Variants in HLA-DMB observed in about 807,000 individuals in gnomAD.
HLA-DMB encodes the protein HLA class II histocompatibility antigen, DM beta chain.
A neutral mutation model predicts 29.3 loss-of-function variants in HLA-DMB; 18 were observed. The ratio of observed to expected loss-of-function variants is 0.62; its 90% CI spans 0.43 to 0.91. The LOEUF is 0.91. HLA-DMB is among the 40% of genes least tolerant of loss of function. The pLI is 0.00. For missense variants in HLA-DMB, 258 were observed against 320.9 expected, an observed-to-expected ratio of 0.80 and a Z score of 1.50; for synonymous variants, 143 against 128.7, an observed-to-expected ratio of 1.11 and a Z score of -0.75.
chr6:32,938,757 C>T lies in HLA-DMB; in HGVS notation c.264G>A (p.Gln88=). The change falls in exon 2 of 6, where the codon CAG becomes CAA. Residue 88 remains glutamine (Q), a synonymous_variant. Transcript: ENST00000418107. ...AATTCTGAAGCCCATTGCGCAAGCG[C>T]TGCATCAGGGTGTCTTTTTGGTTGA... ...QHLNQKDTLM[Q]RLRNGLQNCA... 6.2e-7 allele frequency: 1 copy of T among 1,604,606 alleles called. No homozygotes were observed. The highest frequency in any genetic ancestry group is 8.5e-7 in the Non-Finnish European group (1 of 1,176,060).
At position 32,938,969 on chromosome 6, in the gene HLA-DMB, G is replaced by A; in HGVS notation, c.56-4C>T. On this transcript the variant is annotated splice_polypyrimidine_tract_variant and splice_region_variant and intron_variant, in intron 1 of 5. Coordinates refer to ENST00000418107, the MANE Select transcript of HLA-DMB (RefSeq NM_002118.5). The stretch of plus-strand genomic sequence containing the variant: ...TCCACATGGGCCACGAAGCCACCTA[G>A]AGGAGCCAGGGAAGGGAGAACAGGT... 3 of 1,514,940 alleles carry A rather than the reference G, an allele frequency of 2.0e-6. No homozygotes were observed. The highest frequency in any genetic ancestry group is 2.7e-6 in the Non-Finnish European group (3 of 1,127,718). The allele number at this position is 1,514,940 out of a possible 1,614,324, so 93.8% of individuals were successfully genotyped here.
At position 32,937,467 on chromosome 6, in the gene HLA-DMB, G is replaced by C; in HGVS notation, c.338-11C>G. ...GCACAGATGGTGGCCCTGCATAGGAGAAAAAAACATGTTTAGGAAGGAGGG... is the reference window on the plus strand; with the variant it reads ...GCACAGATGGTGGCCCTGCATAGGACAAAAAAACATGTTTAGGAAGGAGGG... On this transcript the variant is annotated splice_polypyrimidine_tract_variant and intron_variant, in intron 2 of 5. Coordinates refer to ENST00000418107, the MANE Select transcript of HLA-DMB (RefSeq NM_002118.5). This position sits in a 1 kb window ranked among gnomAD's most constrained non-coding sequence, Gnocchi z 4.1. 6.2e-7 allele frequency: 1 copy of C among 1,601,746 alleles called. No individual in the cohort carries two copies. The highest frequency in any genetic ancestry group is 8.5e-7 in the Non-Finnish European group (1 of 1,172,850).
At position 32,940,791 on chromosome 6, in the gene HLA-DMB, G is replaced by C; in HGVS notation, c.17C>G (p.Pro6Arg). 1 of 1,602,626 alleles carries C rather than the reference G, an allele frequency of 6.2e-7. No individual in the cohort carries two copies. Among genetic ancestry groups the C allele is most frequent in the East Asian group, 2.3e-5 (1 of 44,288 alleles). ...GCCCAGGCTGAGCCCCAGCAGCAGCGGCAGGAATGTGATCATGCTCTGCTC... is the reference window on the plus strand; with the variant it reads ...GCCCAGGCTGAGCCCCAGCAGCAGCCGCAGGAATGTGATCATGCTCTGCTC... MITFL[P>R]LLLGLSLGCT... Residue 6 changes from proline (P) to arginine (R), a missense_variant, in exon 1 of 6, where the codon CCG becomes CGG. Transcript: ENST00000418107.
Position 32,934,916 on chromosome 6 carries a change from A to G in HLA-DMB, c.*55T>C, listed in dbSNP as rs11540148. The stretch of plus-strand genomic sequence containing the variant: ...GAAGATGTTGGAGAGGCATGGTAGC[A>G]TCATTGAGTTTGAATCTCCTTCTCA... On this transcript the variant is annotated 3_prime_UTR_variant, in exon 6 of 6. Coordinates refer to ENST00000418107, the MANE Select transcript of HLA-DMB (RefSeq NM_002118.5). 18,785 of 1,532,832 alleles carry G rather than the reference A, an allele frequency of 0.012. 176 individuals are homozygous for G. Among genetic ancestry groups the G allele is most frequent in the African/African-American group, 0.041 (2,979 of 73,436 alleles). 95.0% of individuals were successfully genotyped at this position (1,532,832 alleles called of 1,614,324 possible).
intron 1 of HLA-DMB, among the ~76,000 whole-genome samples, chr6:32,939,869 G>A (rs1026200270): frequency 1.3e-5 from 2 of 152,168 alleles, no homozygotes; most frequent in African/African-American, 4.8e-5. Flanking sequence ...AGGCAAGTTG[G>A]ACAGAAGATG....
At chr6:32,939,259 G>A (rs915688104) in intron 1 of HLA-DMB, among the ~76,000 whole-genome samples, 9 of 152,162 alleles carry the variant, frequency 5.9e-5, no homozygotes, top group Non-Finnish European at 1.3e-4. Context: ...TAGAAGTCTG[G>A]AACTTTTAGT....
At position 32,937,760 on chromosome 6, in the gene HLA-DMB, T is replaced by G. The variant is rs1462700743; in HGVS notation, c.338-304A>C. The G allele has an allele frequency of 1.0e-5, 4 of 386,926 alleles. No homozygotes were observed. The highest frequency in any genetic ancestry group is 1.8e-5 in the Non-Finnish European group (4 of 216,532). 24.0% of individuals were successfully genotyped at this position (386,926 alleles called of 1,614,324 possible). A position where few individuals can be genotyped will look rare whatever the true frequency, so the allele number is the denominator to read the frequency against. ...TAGAAGTTGTTGTATTTATTTCAAG[T>G]ACATAAACTGGAAAGTATTTGAAAT... is the stretch of plus-strand genomic sequence containing the variant. On this transcript the variant is annotated intron_variant, in intron 2 of 5. Transcript: ENST00000418107. This position sits in a 1 kb window ranked among gnomAD's most constrained non-coding sequence, Gnocchi z 4.1.
Position 32,937,475 on chromosome 6 carries a change from C to A in HLA-DMB, c.338-19G>T, listed in dbSNP as rs1392310564. On this transcript the variant is annotated intron_variant, in intron 2 of 5. Coordinates refer to ENST00000418107, the MANE Select transcript of HLA-DMB (RefSeq NM_002118.5). The surrounding 1 kb of genome is among the most constrained non-coding windows in gnomAD (Gnocchi z 4.1). ...GGTGGCCCTGCATAGGAGAAAAAAA[C>A]ATGTTTAGGAAGGAGGGTGACATTC... 2 of 1,601,676 alleles carry A rather than the reference C, an allele frequency of 1.2e-6. No homozygotes were observed. Among genetic ancestry groups the A allele is most frequent in the Non-Finnish European group, 1.7e-6 (2 of 1,171,866 alleles).
chr6:32,935,773 C>T (rs184446669), intron 3 of HLA-DMB, 121 bp from the exon 4 acceptor site: 80 of 659,412 alleles, frequency 1.2e-4, no homozygotes, highest in Non-Finnish European at 1.6e-5. Context: ...AAGGGTCTAG[C>T]TCACACCACC....
chr6:32,938,441 A>G (rs1776135008), intron 2 of HLA-DMB: 1 of 401,596 alleles, frequency 2.5e-6, no homozygotes, highest in South Asian at 1.2e-4. Context: ...CAGCCTCTGC[A>G]TAAGCTCCCC....
At chr6:32,936,881 T>A in intron 3 of HLA-DMB, 1 of 305,238 alleles carries the variant, frequency 3.3e-6, no homozygotes, top group Non-Finnish European at 6.0e-6. Flanking sequence ...CGCAGCAACA[T>A]CAGCCACACC....
intron 1 of HLA-DMB, 59 bp from the exon 2 acceptor site, chr6:32,939,024 A>G (rs953215631): frequency 7.8e-6 from 8 of 1,031,586 alleles, no homozygotes; most frequent in Non-Finnish European, 1.0e-5. Flanking sequence ...GGCAATAAAT[A>G]AATAAATATA....
chr6:32,936,039 A>G, intron 3 of HLA-DMB: 1 of 224,828 alleles, frequency 4.4e-6, no homozygotes, highest in Non-Finnish European at 8.8e-6. Context: ...TCTCCAACTG[A>G]GCAGCTTCCT....
intron 1 of HLA-DMB, 64 bp downstream of exon 1, chr6:32,940,689 C>A: frequency 7.5e-7 from 1 of 1,331,420 alleles, no homozygotes; most frequent in Non-Finnish European, 1.0e-6. Context: ...AATTACAAAA[C>A]GGAACACCCT....
At position 32,937,753 on chromosome 6, in the gene HLA-DMB, T is replaced by A; in HGVS notation, c.338-297A>T. 1 of 407,708 alleles carries A rather than the reference T, an allele frequency of 2.5e-6. No homozygotes were observed. Among genetic ancestry groups the A allele is most frequent in the Non-Finnish European group, 4.4e-6 (1 of 229,102 alleles). The allele number at this position is 407,708 out of a possible 1,614,324, so 25.3% of individuals were successfully genotyped here. A position where few individuals can be genotyped will look rare whatever the true frequency, so the allele number is the denominator to read the frequency against. ...GCTGTTCTAGAAGTTGTTGTATTTATTTCAAGTACATAAACTGGAAAGTAT... is the reference window on the plus strand; with the variant it reads ...GCTGTTCTAGAAGTTGTTGTATTTAATTCAAGTACATAAACTGGAAAGTAT... On this transcript the variant is annotated intron_variant, in intron 2 of 5. Transcript: ENST00000418107. The surrounding 1 kb of genome is among the most constrained non-coding windows in gnomAD (Gnocchi z 4.1).
At position 32,938,941 on chromosome 6, in the gene HLA-DMB, C is replaced by A; in HGVS notation, c.80G>T (p.Ser27Ile). ...CCCAGCATCATCCAACAGACAGGTG[C>A]TTTCCACATGGGCCACGAAGCCACC... Reference protein sequence around the residue: ...GAGGFVAHVESTCLLDDAGTP... With the variant: ...GAGGFVAHVEITCLLDDAGTP... Residue 27 changes from serine to isoleucine, a missense_variant, in exon 2 of 6, where the codon AGC (serine) becomes ATC (isoleucine). Coordinates refer to ENST00000418107, the MANE Select transcript of HLA-DMB (RefSeq NM_002118.5). 2 of 1,586,382 alleles carry A rather than the reference C, an allele frequency of 1.3e-6. No homozygotes were observed. The highest frequency in any genetic ancestry group is 1.7e-5 in the Admixed American group (1 of 57,178).
At chr6:32,936,932 C>G in intron 3 of HLA-DMB, 2 of 378,618 alleles carry the variant, frequency 5.3e-6, no homozygotes, top group Non-Finnish European at 9.4e-6. Context: ...TAAACTGGTG[C>G]AAAAGTAATT....
intron 3 of HLA-DMB, chr6:32,936,908 C>G (rs781116502): frequency 3.7e-5 from 13 of 354,336 alleles, no homozygotes; most frequent in Non-Finnish European, 6.1e-5. Flanking sequence ...GCAGCAATAG[C>G]ACAGACTAAA....
At chr6:32,936,944 C>G in intron 3 of HLA-DMB, 1 of 392,450 alleles carries the variant, frequency 2.5e-6, no homozygotes, top group Non-Finnish European at 4.5e-6. Context: ...AAAGTAATTG[C>G]GGTTTTTGCC....
Sources: allele counts gnomAD v4.1 joint callset (sites outside exome capture counted in the v4.1 genomes callset), GRCh38; gene constraint gnomAD v4.1.1; non-coding constraint Gnocchi (gnomAD v3.1); transcripts MANE v1.5; gene names NCBI Gene and HGNC (gene_info 2026-07-23, HGNC 2026-07-21).